LRFN2: variants seen among roughly 807,000 people sequenced by gnomAD.
LRFN2 encodes leucine-rich repeat and fibronectin type-III domain-containing protein 2.
In LRFN2, 18 loss-of-function variants were observed where a neutral mutation model predicts 37.3. The observed-to-expected ratio is 0.48, with a 90% CI of 0.33 to 0.72. LRFN2 has a LOEUF of 0.72. Ranked by LOEUF, LRFN2 falls within the 30% of genes least tolerant of loss-of-function variation. The pLI is 0.02. For synonymous variants in LRFN2, 556 were observed against 466.6 expected (o/e 1.19, Z -2.47); for missense variants, 1,006 against 1,060.7 (o/e 0.95, Z 0.72).
chr6:40,575,377 C>A (rs1444106589), intron 1 of LRFN2, among the ~76,000 whole-genome samples: 1 of 152,030 alleles, frequency 6.6e-6, no homozygotes, highest in Non-Finnish European at 1.5e-5. Flanking sequence ...CTGAGAGAGA[C>A]CCCATGGAGG....
At chr6:40,524,448 C>T (rs1766186672) in intron 1 of LRFN2, among the ~76,000 whole-genome samples, 1 of 151,118 alleles carries the variant, frequency 6.6e-6, no homozygotes, top group African/African-American at 2.4e-5. Context: ...CACTCTCTCA[C>T]TCACACACAC....
intron 1 of LRFN2, among the ~76,000 whole-genome samples, chr6:40,517,949 T>C (rs1377452281): frequency 6.6e-6 from 1 of 152,124 alleles, no homozygotes; most frequent in Non-Finnish European, 1.5e-5. Flanking sequence ...TTCCTCCTGC[T>C]CCCCACCCAC....
At chr6:40,494,562 C>T (rs1765177744) in intron 1 of LRFN2, among the ~76,000 whole-genome samples, 1 of 152,158 alleles carries the variant, frequency 6.6e-6, no homozygotes, top group South Asian at 2.1e-4. Flanking sequence ...ACAACTATCC[C>T]TGCCATCATT....
At chr6:40,466,775 G>T (rs1764478402) in intron 1 of LRFN2, among the ~76,000 whole-genome samples, 2 of 152,098 alleles carry the variant, frequency 1.3e-5, no homozygotes, top group Non-Finnish European at 2.9e-5. Flanking sequence ...GATGAATATG[G>T]CCAAAATTCA....
intron 1 of LRFN2, among the ~76,000 whole-genome samples, chr6:40,539,328 A>T (rs920178721): frequency 1.3e-5 from 2 of 152,162 alleles, no homozygotes; most frequent in African/African-American, 2.4e-5. Context: ...AGCTTTAAGC[A>T]TTTGATGTTT....
chr6:40,473,857 T>C (rs1382265603), intron 1 of LRFN2, among the ~76,000 whole-genome samples: 6 of 152,160 alleles, frequency 3.9e-5, no homozygotes, highest in Non-Finnish European at 5.9e-5. Flanking sequence ...GTGAGGAAAC[T>C]GAGGCAGAGT....
chr6:40,455,737 G>T (rs1475337203), intron 1 of LRFN2, among the ~76,000 whole-genome samples: 2 of 152,144 alleles, frequency 1.3e-5, no homozygotes, highest in Non-Finnish European at 2.9e-5. Context: ...GAGGAGGTGG[G>T]ACTTGTCAAT....
In LRFN2 at chr6:40,479,128, T is replaced by G. The variant is rs138428772; in HGVS notation, c.-18-45997A>C. On this transcript the variant is annotated intron_variant, in intron 1 of 2. Transcript: ENST00000338305. ...TCAGTTTTCTCATTGCAAAGGGAGA[T>G]GATAATGGTTCCTACCGCAGGAGGT... Among the ~76,000 whole-genome samples the G allele has an allele frequency of 2.0e-5, 3 of 152,324 alleles. No individual in the cohort carries two copies. In the East Asian group the frequency reaches 5.8e-4, roughly 29 times the overall value.
intron 2 of LRFN2, among the ~76,000 whole-genome samples, chr6:40,413,944 C>G (rs772227180): frequency 6.6e-6 from 1 of 152,080 alleles, no homozygotes; most frequent in Non-Finnish European, 1.5e-5. Flanking sequence ...ATTGGGCGAC[C>G]AGGAAGGGGA....
chr6:40,452,418 A>C (rs1001874139), intron 1 of LRFN2, among the ~76,000 whole-genome samples: 4 of 152,236 alleles, frequency 2.6e-5, no homozygotes, highest in Non-Finnish European at 5.9e-5. Flanking sequence ...TAGCAAAGTC[A>C]TGATAGCCAG....
At chr6:40,495,935 C>T (rs1765214654) in intron 1 of LRFN2, among the ~76,000 whole-genome samples, 1 of 152,176 alleles carries the variant, frequency 6.6e-6, no homozygotes, top group South Asian at 2.1e-4. Context: ...AACCTGCCAC[C>T]TCCACTTGGA....
chr6:40,547,184 A>G (rs572211694), intron 1 of LRFN2, among the ~76,000 whole-genome samples: 359 of 150,468 alleles, frequency 2.4e-3, no homozygotes, highest in Non-Finnish European at 2.8e-3. Flanking sequence ...GGCTTACTGC[A>G]ACCTCTGCTT....
At chr6:40,422,607 G>A (rs990111737) in intron 2 of LRFN2, among the ~76,000 whole-genome samples, 1 of 152,168 alleles carries the variant, frequency 6.6e-6, no homozygotes. Flanking sequence ...ATAGAGCTGG[G>A]TTCTGTGAAT....
intron 1 of LRFN2, among the ~76,000 whole-genome samples, chr6:40,572,028 G>T (rs1274562511): frequency 6.6e-6 from 1 of 152,212 alleles, no homozygotes; most frequent in South Asian, 2.1e-4. Context: ...AAAGAACCAG[G>T]CCCTTCAGGA....
chr6:40,475,778 T>C lies in LRFN2; in HGVS notation c.-18-42647A>G, dbSNP rs563817229. Among the ~76,000 whole-genome samples the C allele has an allele frequency of 2.6e-5, 4 of 152,238 alleles. No homozygotes were observed. In the East Asian group the frequency reaches 7.7e-4, roughly 29 times the overall value. Reference sequence around the variant, plus strand: ...ATGTAGTCCAGGCTGACAATGCTCCTGGGATGTGCTGCCTGTGAGATGGGT... The same window carrying C: ...ATGTAGTCCAGGCTGACAATGCTCCCGGGATGTGCTGCCTGTGAGATGGGT... On this transcript the variant is annotated intron_variant, in intron 1 of 2. Coordinates refer to ENST00000338305, the MANE Select transcript of LRFN2 (RefSeq NM_020737.3).
intron 1 of LRFN2, among the ~76,000 whole-genome samples, chr6:40,521,881 T>C (rs1222645591): frequency 1.3e-5 from 2 of 152,252 alleles, no homozygotes; most frequent in Non-Finnish European, 2.9e-5. Context: ...TGGCCGCTTT[T>C]TGAGACTGAA....
At chr6:40,579,952 T>C (rs1172041565) in intron 1 of LRFN2, among the ~76,000 whole-genome samples, 1 of 152,172 alleles carries the variant, frequency 6.6e-6, no homozygotes, top group Admixed American at 6.5e-5. Flanking sequence ...TACCACATCT[T>C]AAAGGAACAG....
chr6:40,562,835 TCA>T (rs773357501), intron 1 of LRFN2, among the ~76,000 whole-genome samples: 5,394 of 125,514 alleles, frequency 0.043, 136 homozygotes, highest in East Asian at 0.12. Flanking sequence ...GTGCACTCAC[TCA>T]CACACACACA....
intron 1 of LRFN2, among the ~76,000 whole-genome samples, chr6:40,469,464 C>T (rs908390392): frequency 6.6e-5 from 10 of 152,192 alleles, no homozygotes; most frequent in Non-Finnish European, 8.8e-5. Flanking sequence ...AGAAAGGCCA[C>T]GAGCAGGGCT....
Sources: gnomAD v4.1 joint callset for allele counts (sites outside exome capture counted in the v4.1 genomes callset) on GRCh38, gnomAD v4.1.1 for gene constraint, MANE v1.5 for transcripts, NCBI Gene and HGNC (gene_info 2026-07-23, HGNC 2026-07-21) for gene names.